TTLL7: variants seen among roughly 807,000 people sequenced by gnomAD.
TTLL7 encodes the protein tubulin tyrosine ligase like 7, also known as tubulin polyglutamylase TTLL7.
In TTLL7, 53 loss-of-function variants were observed where a neutral mutation model predicts 120.2. That is an observed-to-expected ratio of 0.44 (90% CI 0.35 to 0.55). The LOEUF is 0.55. TTLL7 is among the 20% of genes least tolerant of loss of function. The probability of loss-of-function intolerance (pLI) is 0.00; values close to 1 mark genes in which losing one functional copy is unlikely to be tolerated. For missense variants in TTLL7, 803 were observed against 1,054.7 expected (o/e 0.76, Z 3.31); for synonymous variants, 353 against 351.7 (o/e 1.00, Z -0.04).
rs1652923113 is a variant in TTLL7, at chr1:83,866,477, G to C, written c.*3485C>G. On this transcript the variant is annotated 3_prime_UTR_variant, in exon 21 of 21. Coordinates refer to ENST00000260505, the MANE Select transcript of TTLL7 (RefSeq NM_024686.6). ...GATGTCTAGAAGCTACTATTATCTA[G>C]TTGGGTATAACTATTAGATGAAAAG... The C allele has an allele frequency of 6.6e-6, 1 of 151,762 alleles. No homozygotes were observed. Among genetic ancestry groups the C allele is most frequent in the Non-Finnish European group, 1.5e-5 (1 of 67,760 alleles). The allele number at this position is 151,762 out of a possible 1,614,324, so 9.4% of individuals were successfully genotyped here.
chr1:83,910,580 G>A (rs1014276811), intron 15 of TTLL7, among the ~76,000 whole-genome samples: 2 of 151,992 alleles, frequency 1.3e-5, no homozygotes, highest in African/African-American at 4.8e-5. Flanking sequence ...GGAGAGAAAA[G>A]GAAGCAGAAA....
chr1:83,939,100 A>C (rs958269249), intron 7 of TTLL7, among the ~76,000 whole-genome samples: 5 of 152,192 alleles, frequency 3.3e-5, no homozygotes, highest in African/African-American at 1.2e-4. Flanking sequence ...ATCTGCAGCA[A>C]TCTCCGCTGG....
At chr1:83,876,366 C>T (rs1008411213) in intron 20 of TTLL7, among the ~76,000 whole-genome samples, 3 of 151,818 alleles carry the variant, frequency 2.0e-5, no homozygotes, top group African/African-American at 7.2e-5. Context: ...TTACTAAATC[C>T]TATGATGTTA....
At chr1:83,889,185 G>T (rs1655231358) in intron 19 of TTLL7, among the ~76,000 whole-genome samples, 1 of 152,134 alleles carries the variant, frequency 6.6e-6, no homozygotes, top group East Asian at 1.9e-4. Flanking sequence ...GCGGCAGCAA[G>T]GAGAAGTGCC....
In TTLL7 at chr1:83,951,933, A is replaced by C. The variant is rs1649102020; in HGVS notation, c.69T>G (p.Pro23=). ...CTTTCCTTTTCATTGTGCTTTGATA[A>C]GGTAATTCTGTATTCAAATCCAGGG... ...PSPLDLNTEL[P]YQSTMKRKVR... Residue 23 remains proline, a synonymous_variant, in exon 3 of 21, where the codon CCT becomes CCG. Transcript: ENST00000260505. The C allele has an allele frequency of 3.1e-6, 5 of 1,612,836 alleles. No individual in the cohort carries two copies. Among genetic ancestry groups the C allele is most frequent in the Non-Finnish European group, 3.4e-6 (4 of 1,179,602 alleles).
At chr1:83,988,976 G>A (rs1050654543) in intron 1 of TTLL7, among the ~76,000 whole-genome samples, 1 of 152,260 alleles carries the variant, frequency 6.6e-6, no homozygotes, top group South Asian at 2.1e-4. Context: ...CCAAAGTGCT[G>A]GGATTACAGG....
rs569512416 is a variant in TTLL7 at position 83,950,191 on chromosome 1, C to T, written c.158-205G>A. 7.9e-5 allele frequency among the ~76,000 whole-genome samples: 12 copies of T among 152,120 alleles called. No homozygotes were observed. The East Asian group carries it at 2.3e-3, about 29-fold the overall frequency. ...ACTGAGAACTGTTTTTCGGTTGCAC[C>T]CAAAAATCCTTCCTTTCGATCTTCT... On this transcript the variant is annotated intron_variant, in intron 3 of 20. Transcript: ENST00000260505.
chr1:83,972,997 ATAT>A (rs912946214), intron 1 of TTLL7, among the ~76,000 whole-genome samples: 4 of 152,150 alleles, frequency 2.6e-5, no homozygotes, highest in African/African-American at 9.6e-5. Flanking sequence ...TCTTTTGCAA[ATAT>A]TTTCTCCCAG....
chr1:83,902,928 C>T (rs1417822701), intron 18 of TTLL7, among the ~76,000 whole-genome samples: 3 of 151,980 alleles, frequency 2.0e-5, no homozygotes, highest in African/African-American at 4.8e-5. Context: ...TCAGTTACCA[C>T]CCTAGCTAAG....
intron 1 of TTLL7, among the ~76,000 whole-genome samples, chr1:83,996,428 A>G (rs922937409): frequency 6.6e-6 from 1 of 152,204 alleles, no homozygotes; most frequent in African/African-American, 2.4e-5. Flanking sequence ...ACAGTAGATG[A>G]GCACTTCTTA....
At chr1:83,980,694 GAAT>G (rs1651875987) in intron 1 of TTLL7, 2 of 152,052 alleles carry the variant, frequency 1.3e-5, no homozygotes, top group African/African-American at 4.8e-5. Context: ...AGAAAGGAAA[GAAT>G]AATAACAGAA....
chr1:83,921,042 G>C (rs1348136436), intron 12 of TTLL7, 45 bp downstream of exon 12: 1 of 1,542,174 alleles, frequency 6.5e-7, no homozygotes, highest in Non-Finnish European at 8.8e-7. Flanking sequence ...TCATTGCTTT[G>C]ATACTTCATT....
intron 18 of TTLL7, among the ~76,000 whole-genome samples, chr1:83,892,187 A>G (rs1175752985): frequency 6.7e-6 from 1 of 148,214 alleles, no homozygotes; most frequent in African/African-American, 2.5e-5. Flanking sequence ...TGGGGAATAC[A>G]CATAAACATT....
intron 19 of TTLL7, among the ~76,000 whole-genome samples, chr1:83,885,532 G>A (rs991646417): frequency 5.3e-5 from 8 of 151,886 alleles, no homozygotes; most frequent in Non-Finnish European, 1.0e-4. Flanking sequence ...ATAAATATAT[G>A]AATCAAGGTC....
chr1:83,885,089 A>T lies in TTLL7; in HGVS notation c.2370-1953T>A, dbSNP rs192649017. ...AAATCTACTTACCTAATTTGATTTT[A>T]AAAAGCTGGAAAAATTAATTAGGGA... On this transcript the variant is annotated intron_variant, in intron 19 of 20. Transcript: ENST00000260505. 2.4e-3 allele frequency: 723 copies of T among 297,296 alleles called. 10 individuals carry two copies. The highest frequency in any genetic ancestry group is 0.015 in the African/African-American group (678 of 44,406). 18.4% of individuals were successfully genotyped at this position (297,296 alleles called of 1,614,324 possible).
chr1:83,912,027 C>G (rs1201287865), intron 14 of TTLL7, among the ~76,000 whole-genome samples: 1 of 152,104 alleles, frequency 6.6e-6, no homozygotes, highest in Non-Finnish European at 1.5e-5. Flanking sequence ...AGTTAACTGT[C>G]CATTTTCCAA....
At chr1:83,894,333 C>T (rs1049596418) in intron 18 of TTLL7, among the ~76,000 whole-genome samples, 6 of 151,984 alleles carry the variant, frequency 3.9e-5, no homozygotes, top group Admixed American at 6.6e-5. Flanking sequence ...GCAATTTTAA[C>T]GTTACCTTAA....
intron 18 of TTLL7, among the ~76,000 whole-genome samples, chr1:83,902,738 A>C (rs1353637181): frequency 1.3e-5 from 2 of 151,936 alleles, no homozygotes; most frequent in African/African-American, 4.8e-5. Flanking sequence ...AGAGACTCCT[A>C]AATTTTTGTT....
Position 83,947,298 on chromosome 1 carries a change from A to C in TTLL7, c.348-16T>G, listed in dbSNP as rs1483301265. ...CTTGATCATTCTGTAAATTGGACATAATAGGAAAAATAATTTCTATTCAAA... is the reference window on the plus strand; with the variant it reads ...CTTGATCATTCTGTAAATTGGACATCATAGGAAAAATAATTTCTATTCAAA... On this transcript the variant is annotated splice_polypyrimidine_tract_variant and intron_variant, in intron 5 of 20. Coordinates refer to ENST00000260505, the MANE Select transcript of TTLL7 (RefSeq NM_024686.6). 6 of 1,572,402 alleles carry C rather than the reference A, an allele frequency of 3.8e-6. No homozygotes were observed. The highest frequency in any genetic ancestry group is 2.0e-5 in the Admixed American group (1 of 49,602).
Sources: allele counts gnomAD v4.1 joint callset (sites outside exome capture counted in the v4.1 genomes callset), GRCh38; gene constraint gnomAD v4.1.1; transcripts MANE v1.5; gene names NCBI Gene and HGNC (gene_info 2026-07-23, HGNC 2026-07-21).